The following SH3RF2 variants were observed in gnomAD, a reference collection of about 807,000 sequenced individuals.
SH3RF2 encodes the protein SH3 domain containing ring finger 2, also known as E3 ubiquitin-protein ligase SH3RF2.
SH3RF2 carries 43 observed loss-of-function variants against 59.0 expected under a neutral mutation model. The ratio of observed to expected loss-of-function variants is 0.73; its 90% confidence interval spans 0.57 to 0.94. The LOEUF is 0.94. Among genes scored for constraint, SH3RF2 ranks in the 40% least tolerant of loss-of-function variants. The probability of loss-of-function intolerance (pLI) is 0.00; values close to 1 mark genes in which losing one functional copy is unlikely to be tolerated. For synonymous variants in SH3RF2, 391 were observed against 391.5 expected (o/e 1.00, Z 0.01); for missense variants, 930 against 940.1 (o/e 0.99, Z 0.14).
At chr5:145,979,138 G>A (rs911018251) in intron 2 of SH3RF2, among the ~76,000 whole-genome samples, 6 of 152,176 alleles carry the variant, frequency 3.9e-5, no homozygotes, top group Admixed American at 3.9e-4. Flanking sequence ...TTTTGCGCTA[G>A]AACAATAGTT....
At chr5:145,987,406 G>A (rs1162068715) in intron 2 of SH3RF2, among the ~76,000 whole-genome samples, 1 of 152,062 alleles carries the variant, frequency 6.6e-6, no homozygotes, top group Non-Finnish European at 1.5e-5. Context: ...TCATAGCTTA[G>A]CTCCCACATA....
At chr5:146,010,377 C>A (rs1449380102) in intron 4 of SH3RF2, among the ~76,000 whole-genome samples, 5 of 152,124 alleles carry the variant, frequency 3.3e-5, no homozygotes, top group Non-Finnish European at 7.3e-5. Flanking sequence ...GATTTATAAT[C>A]CTTTGGTTAT....
chr5:146,016,120 G>A (rs116125687), intron 5 of SH3RF2, among the ~76,000 whole-genome samples: 1 of 152,120 alleles, frequency 6.6e-6, no homozygotes, highest in Non-Finnish European at 1.5e-5. Context: ...AAATATCTGG[G>A]CAGGTGGTGG....
At chr5:146,055,457 G>T (rs1368230811) in intron 7 of SH3RF2, among the ~76,000 whole-genome samples, 1 of 152,228 alleles carries the variant, frequency 6.6e-6, no homozygotes, top group Admixed American at 6.5e-5. Context: ...TAGCCAAAAT[G>T]ATGTGTCAGT....
chr5:146,022,877 ACACACACACACAC>A (rs1761383479), intron 5 of SH3RF2, among the ~76,000 whole-genome samples: 12 of 7,280 alleles, frequency 1.6e-3, no homozygotes, highest in Admixed American at 0.01. Context: ...CCATCTAAAC[ACACACACACACAC>A]ACACACACAC....
exon 10 of SH3RF2, chr5:146,080,169 T>C (rs1162467921): frequency 2.0e-5 from 3 of 152,036 alleles, no homozygotes; most frequent in African/African-American, 2.4e-5. Context: ...TCACAATGAG[T>C]CAACCCAGAA....
chr5:146,070,974 C>T lies in SH3RF2; in HGVS notation c.*34-7486C>T, dbSNP rs1457466295. The stretch of plus-strand genomic sequence containing the variant: ...CTCTTGGAATCAGTGCTAGCATGAC[C>T]GACCGACTTAATGAGAGCCATTTTT... On this transcript the variant is annotated intron_variant, in intron 9 of 9. Coordinates refer to the SH3RF2 transcript ENST00000511217. Among the ~76,000 whole-genome samples the T allele has an allele frequency of 3.9e-5, 6 of 152,190 alleles. No individual in the cohort carries two copies. In the South Asian group the frequency reaches 6.2e-4, roughly 16 times the overall value.
rs188900985 is a variant in SH3RF2, at chr5:145,965,579, T to C, written c.378+27273T>C. 3.9e-5 allele frequency among the ~76,000 whole-genome samples: 6 copies of C among 152,032 alleles called. No homozygotes were observed. The East Asian group carries it at 1.2e-3, about 29-fold the overall frequency. On this transcript the variant is annotated intron_variant, in intron 2 of 9. Transcript: ENST00000359120. Reference sequence around the variant, plus strand: ...CGAACACTGCCTTTTGCACAGAGAGTATTAGAGTAGGTATTATGAGGTTTT... The same window carrying C: ...CGAACACTGCCTTTTGCACAGAGAGCATTAGAGTAGGTATTATGAGGTTTT...
intron 6 of SH3RF2, among the ~76,000 whole-genome samples, chr5:146,048,233 T>G (rs543409863): frequency 6.6e-6 from 1 of 152,082 alleles, no homozygotes; most frequent in African/African-American, 2.4e-5. Context: ...GAGGATGGGT[T>G]GAGCCCAGGA....
At chr5:146,064,844 G>GAAAT (rs1318241004), downstream of SH3RF2, among the ~76,000 whole-genome samples, 10 of 15,640 alleles carry the variant, frequency 6.4e-4, 1 homozygote, top group Non-Finnish European at 0.015. Flanking sequence ...AAGAAAGAAA[G>GAAAT]AAAGAAAGAA....
At chr5:146,058,502 G>A (rs758402582) in intron 8 of SH3RF2, among the ~76,000 whole-genome samples, 41 of 152,188 alleles carry the variant, frequency 2.7e-4, no homozygotes, top group Non-Finnish European at 4.4e-4. Context: ...TGTGTTTAGC[G>A]AGTGTCCTGC....
At chr5:146,067,819 A>G (rs1018511728), downstream of SH3RF2, among the ~76,000 whole-genome samples, 3 of 152,112 alleles carry the variant, frequency 2.0e-5, no homozygotes, top group Non-Finnish European at 4.4e-5. Context: ...GGTCCTCCCC[A>G]TCGCTCTACC....
rs577523111 is a variant in SH3RF2, at chr5:146,025,169, C to A, written c.1059+11108C>A. 2.0e-5 allele frequency among the ~76,000 whole-genome samples: 3 copies of A among 152,338 alleles called. 1 individual carries two copies. Among genetic ancestry groups the A allele is most frequent in the African/African-American group, 7.2e-5 (3 of 41,582 alleles). On this transcript the variant is annotated intron_variant, in intron 5 of 9. Transcript: ENST00000359120. ...AATCCCTCAGCATATATTGGGGAGTCCAAAGTTCATATTCTTAACCTCTCT... is the reference window on the plus strand; with the variant it reads ...AATCCCTCAGCATATATTGGGGAGTACAAAGTTCATATTCTTAACCTCTCT...
Position 146,013,944 on chromosome 5 carries a change from T to A in SH3RF2, c.942T>A (p.Ser314=). Residue 314 remains serine (S), a synonymous_variant, in exon 5 of 10, where the codon TCT becomes TCA. Transcript: ENST00000359120. The part of the protein sequence containing the change: ...ALNTLNRMVH[S]PSGRHMVEIS... ...ACACTCTCAACCGGATGGTCCATTC[T>A]CCTTCAGGGCGCCATATGGTAGAGA... 2 of 1,614,058 alleles carry A rather than the reference T, an allele frequency of 1.2e-6. No individual in the cohort carries two copies. Among genetic ancestry groups the A allele is most frequent in the Non-Finnish European group, 1.7e-6 (2 of 1,180,002 alleles).
At chr5:146,036,075 G>C (rs1761927665) in intron 5 of SH3RF2, among the ~76,000 whole-genome samples, 1 of 152,152 alleles carries the variant, frequency 6.6e-6, no homozygotes, top group Admixed American at 6.5e-5. Context: ...CATAATTACT[G>C]CCAAACAGTT....
intron 7 of SH3RF2, 32 bp from the exon 8 acceptor site, chr5:146,055,949 C>T: frequency 1.3e-6 from 2 of 1,598,526 alleles, no homozygotes; most frequent in South Asian, 1.1e-5. Context: ...TTCTCTATTT[C>T]TTCTCTTAAA....
downstream of SH3RF2, among the ~76,000 whole-genome samples, chr5:146,064,782 AGGAAGGAAGGAAGGAAGGAAGG>A (rs1561773691): frequency 1.0e-3 from 17 of 16,722 alleles, no homozygotes; most frequent in African/African-American, 3.5e-3. Context: ...AAGGAAAGGA[AGGAAGGAAGGAAGGAAGGAAGG>A]AAGGAAAGAA....
intron 2 of SH3RF2, among the ~76,000 whole-genome samples, chr5:145,987,137 G>C (rs1759739686): frequency 1.3e-5 from 2 of 152,182 alleles, no homozygotes; most frequent in Non-Finnish European, 2.9e-5. Flanking sequence ...GAGAGAAAGA[G>C]AGAGACACTT....
chr5:145,947,561 C>T (rs148792880), intron 2 of SH3RF2, among the ~76,000 whole-genome samples: 178 of 152,316 alleles, frequency 1.2e-3, no homozygotes, highest in African/African-American at 4.2e-3. Flanking sequence ...TTTTCACATG[C>T]TATCATGCCC....
Sources: allele counts gnomAD v4.1 joint callset (sites outside exome capture counted in the v4.1 genomes callset), GRCh38; gene constraint gnomAD v4.1.1; transcripts MANE v1.5; gene names NCBI Gene and HGNC (gene_info 2026-07-23, HGNC 2026-07-21).